Variants in RANBP2 observed in about 807,000 individuals in gnomAD.
RANBP2 encodes E3 SUMO-protein ligase RanBP2.
In RANBP2, 57 loss-of-function variants were observed where a neutral mutation model predicts 303.6. The observed-to-expected ratio is 0.19, with a 90% CI of 0.15 to 0.23. RANBP2 has a LOEUF of 0.23. RANBP2 is among the 10% of genes least tolerant of loss of function. RANBP2 has a pLI of 1.00. For missense variants in RANBP2, 3,138 were observed against 3,780.8 expected, an observed-to-expected ratio of 0.83 and a Z score of 4.46; for synonymous variants, 1,167 against 1,301.5, an observed-to-expected ratio of 0.90 and a Z score of 2.23.
the RANBP2 span, among the ~76,000 whole-genome samples, chr2:108,826,226 A>G: frequency 2.0e-5 from 3 of 152,142 alleles, no homozygotes; most frequent in African/African-American, 7.2e-5. Flanking sequence ...GACTTTCTGG[A>G]TAGTATCCTT....
downstream of RANBP2, among the ~76,000 whole-genome samples, chr2:108,786,339 C>T (rs944465416): frequency 9.9e-5 from 15 of 151,324 alleles, no homozygotes; most frequent in Non-Finnish European, 1.9e-4. Context: ...AAGCAATGCT[C>T]CCGCCTCAGC....
the RANBP2 span, among the ~76,000 whole-genome samples, chr2:109,286,439 G>T: frequency 6.6e-6 from 1 of 152,202 alleles, no homozygotes; most frequent in African/African-American, 2.4e-5. Flanking sequence ...CTCAGGTCCT[G>T]TGGTCACTCA....
the RANBP2 span, chr2:108,873,612 A>AT: frequency 4.6e-6 from 7 of 1,522,474 alleles, no homozygotes; most frequent in South Asian, 5.9e-5. Flanking sequence ...TATTTCTAAC[A>AT]TTTTTTATTG....
At chr2:109,240,268 G>A in the RANBP2 span, among the ~76,000 whole-genome samples, 1 of 152,176 alleles carries the variant, frequency 6.6e-6, no homozygotes, top group Non-Finnish European at 1.5e-5. Flanking sequence ...GGGAGGCCCA[G>A]GAGGGCAGAT....
the RANBP2 span, among the ~76,000 whole-genome samples, chr2:108,825,971 A>G: frequency 1.3e-5 from 2 of 152,208 alleles, no homozygotes; most frequent in East Asian, 1.9e-4. Context: ...GAAGTGGTCA[A>G]TCATTATGGT....
the RANBP2 span, among the ~76,000 whole-genome samples, chr2:109,264,996 C>T: frequency 6.6e-6 from 1 of 152,216 alleles, no homozygotes; most frequent in Admixed American, 6.5e-5. Context: ...GCCGCATGCT[C>T]TGTCTTAGAG....
At chr2:109,055,150 G>A in the RANBP2 span, among the ~76,000 whole-genome samples, 1 of 152,112 alleles carries the variant, frequency 6.6e-6, no homozygotes, top group East Asian at 1.9e-4. Context: ...GATGACTAAT[G>A]ATATTAGCAC....
chr2:109,059,322 T>C, the RANBP2 span, among the ~76,000 whole-genome samples: 2 of 152,094 alleles, frequency 1.3e-5, no homozygotes, highest in Non-Finnish European at 2.9e-5. Flanking sequence ...ACGCCTGTAA[T>C]CCCAACACTT....
At chr2:109,127,026 C>G in the RANBP2 span, among the ~76,000 whole-genome samples, 1 of 152,222 alleles carries the variant, frequency 6.6e-6, no homozygotes, top group South Asian at 2.1e-4. Flanking sequence ...TGTTTCCATG[C>G]ACTGCGAGGT....
the RANBP2 span, among the ~76,000 whole-genome samples, chr2:109,510,409 G>A: frequency 2.6e-5 from 4 of 152,198 alleles, no homozygotes; most frequent in Non-Finnish European, 4.4e-5. Flanking sequence ...GGCGGTGAGG[G>A]CATGTGGGGG....
chr2:108,768,591 A>G (rs2149286405), intron 20 of RANBP2, among the ~76,000 whole-genome samples: 1 of 152,352 alleles, frequency 6.6e-6, no homozygotes, highest in South Asian at 2.1e-4. Context: ...AAGACATTTC[A>G]GTAACTGGAA....
the RANBP2 span, among the ~76,000 whole-genome samples, chr2:109,652,235 T>C: frequency 6.6e-6 from 1 of 151,970 alleles, no homozygotes; most frequent in Non-Finnish European, 1.5e-5. Flanking sequence ...TTGTTTTTTT[T>C]TTTTTGAGAC....
At chr2:108,911,237 G>A in the RANBP2 span, among the ~76,000 whole-genome samples, 13 of 152,166 alleles carry the variant, frequency 8.5e-5, no homozygotes, top group Admixed American at 8.5e-4. Context: ...CCTCCGCGCT[G>A]GTTTTGGCTG....
chr2:108,891,224 A>G, the RANBP2 span, among the ~76,000 whole-genome samples: 73 of 152,326 alleles, frequency 4.8e-4, 2 homozygotes, highest in South Asian at 7.7e-3. Context: ...TAGAGGCGTC[A>G]CATTTCCTTA....
chr2:108,721,298 C>T (rs1450870779), intron 1 of RANBP2, among the ~76,000 whole-genome samples: 1 of 152,170 alleles, frequency 6.6e-6, no homozygotes, highest in Non-Finnish European at 1.5e-5. Context: ...CAGTCTATTC[C>T]TCCAGAGGAG....
At chr2:109,434,609 G>A in the RANBP2 span, among the ~76,000 whole-genome samples, 1 of 152,174 alleles carries the variant, frequency 6.6e-6, no homozygotes, top group Non-Finnish European at 1.5e-5. Flanking sequence ...TCCTTCAAGA[G>A]CTGGGTCCTA....
chr2:108,734,114 C>T (rs1333325928), intron 4 of RANBP2, among the ~76,000 whole-genome samples: 7 of 151,888 alleles, frequency 4.6e-5, no homozygotes, highest in Non-Finnish European at 1.0e-4. Flanking sequence ...TCATCCATCT[C>T]ATCCAGAAGA....
chr2:109,348,143 G>C, the RANBP2 span, among the ~76,000 whole-genome samples: 2 of 152,200 alleles, frequency 1.3e-5, no homozygotes, highest in Non-Finnish European at 2.9e-5. Flanking sequence ...TTTTTTGGTT[G>C]AATGCTATGG....
chr2:109,671,411 A>C, the RANBP2 span, among the ~76,000 whole-genome samples: 8 of 152,154 alleles, frequency 5.3e-5, no homozygotes, highest in African/African-American at 1.7e-4. Flanking sequence ...TGGTGGCAGC[A>C]GCAGCAAGTC....
Sources: gnomAD v4.1 joint callset for allele counts (sites outside exome capture counted in the v4.1 genomes callset) on GRCh38, gnomAD v4.1.1 for gene constraint, MANE v1.5 for transcripts, NCBI Gene and HGNC (gene_info 2026-07-23, HGNC 2026-07-21) for gene names.